Variants in TMEM43 observed in about 807,000 individuals in gnomAD.
TMEM43 encodes transmembrane protein 43, also known as arrhythmogenic right ventricular dysplasia 5.
A neutral mutation model predicts 49.6 loss-of-function variants in TMEM43; 45 were observed. The observed-to-expected ratio is 0.91, with a 90% CI of 0.71 to 1.16. The LOEUF (loss-of-function observed/expected upper bound fraction) is 1.16. TMEM43 is among the 50% of genes most tolerant of loss of function. The probability of loss-of-function intolerance (pLI) is 0.00; values close to 1 mark genes in which losing one functional copy is unlikely to be tolerated. For missense variants in TMEM43, 532 were observed against 516.6 expected, an observed-to-expected ratio of 1.03 and a Z score of -0.29; for synonymous variants, 199 against 207.8, an observed-to-expected ratio of 0.96 and a Z score of 0.36.
At chr3:14,138,506 T>C (rs1695205286) in intron 10 of TMEM43, among the ~76,000 whole-genome samples, 1 of 152,092 alleles carries the variant, frequency 6.6e-6, no homozygotes, top group South Asian at 2.1e-4. Context: ...GGGTGTGCCA[T>C]GTGCTGAGAT....
chr3:14,125,672 A>G (rs567758650), intron 1 of TMEM43, among the ~76,000 whole-genome samples: 71 of 152,306 alleles, frequency 4.7e-4, no homozygotes, highest in African/African-American at 1.6e-3. Flanking sequence ...AGGCGGGCAG[A>G]GAGCTCTCCG....
intron 1 of TMEM43, among the ~76,000 whole-genome samples, chr3:14,126,278 G>T (rs879624459): frequency 7.2e-5 from 11 of 152,188 alleles, no homozygotes; most frequent in Admixed American, 5.2e-4. Context: ...GAGGTATTCG[G>T]AGAGACTCAG....
intron 11 of TMEM43, among the ~76,000 whole-genome samples, chr3:14,140,861 G>T (rs1574941800): frequency 6.6e-6 from 1 of 152,200 alleles, no homozygotes; most frequent in East Asian, 1.9e-4. Flanking sequence ...TGTGCTGCAG[G>T]CATGGTGGGG....
In TMEM43 at chr3:14,129,506, T is replaced by A. The variant is rs1695064880; in HGVS notation, c.107T>A (p.Met36Lys). 1.9e-6 allele frequency: 3 copies of A among 1,613,788 alleles called. No homozygotes were observed. The highest frequency in any genetic ancestry group is 1.1e-5 in the South Asian group (1 of 91,062). ...LERLSETSGGMFVGLMAFLLS... is the reference protein window; with the variant it reads ...LERLSETSGGKFVGLMAFLLS... ...CGGCTGAGCGAGACCTCGGGTGGGA[T>A]GTTTGTGGGGCTCATGGCCTTCCTG... Residue 36 changes from methionine to lysine, a missense_variant, in exon 2 of 12, where the codon ATG (methionine) becomes AAG (lysine). Coordinates refer to ENST00000306077, the MANE Select transcript of TMEM43 (RefSeq NM_024334.3).
chr3:14,136,510 A>G (rs1695171965), intron 10 of TMEM43, among the ~76,000 whole-genome samples: 1 of 152,226 alleles, frequency 6.6e-6, no homozygotes, highest in Non-Finnish European at 1.5e-5. Flanking sequence ...ACGTCAGAGT[A>G]GAACATCCGT....
At chr3:14,140,943 CCT>C (rs747612326) in intron 11 of TMEM43, among the ~76,000 whole-genome samples, 2 of 152,128 alleles carry the variant, frequency 1.3e-5, no homozygotes, top group Non-Finnish European at 2.9e-5. Context: ...GCGAAGATTC[CCT>C]GAGTGGACAT....
At chr3:14,125,525 T>G (rs1695007223) in intron 1 of TMEM43, among the ~76,000 whole-genome samples, 1 of 152,076 alleles carries the variant, frequency 6.6e-6, no homozygotes. Flanking sequence ...CCCAGTTCCC[T>G]CCTGTACCTT....
intron 10 of TMEM43, among the ~76,000 whole-genome samples, chr3:14,138,732 C>G (rs1695207705): frequency 6.6e-6 from 1 of 152,194 alleles, no homozygotes. Flanking sequence ...ATTGCAGCAT[C>G]TAATGGACAG....
chr3:14,137,464 T>C (rs1180499338), intron 10 of TMEM43, among the ~76,000 whole-genome samples: 1 of 152,152 alleles, frequency 6.6e-6, no homozygotes, highest in East Asian at 1.9e-4. Context: ...GCGGCCTCCT[T>C]ACCCCCTGGG....
intron 1 of TMEM43, among the ~76,000 whole-genome samples, chr3:14,128,417 G>A (rs552252303): frequency 6.6e-6 from 1 of 152,242 alleles, no homozygotes; most frequent in East Asian, 1.9e-4. Context: ...CCTCATCACT[G>A]CTGATACGGT....
At position 14,125,150 on chromosome 3, in the gene TMEM43, C is replaced by T. The variant is rs773961732; in HGVS notation, c.-44C>T. 4 of 1,608,522 alleles carry T rather than the reference C, an allele frequency of 2.5e-6. No homozygotes were observed. Among genetic ancestry groups the T allele is most frequent in the South Asian group, 2.2e-5 (2 of 90,438 alleles). On this transcript the variant is annotated 5_prime_UTR_variant, in exon 1 of 12. Coordinates refer to ENST00000306077, the MANE Select transcript of TMEM43 (RefSeq NM_024334.3). ...CACGCTCCAGTCGTCAGCCCACTTCCTAGCTGAACAGCGCGAGGCGGCGGC... is the reference window on the plus strand; with the variant it reads ...CACGCTCCAGTCGTCAGCCCACTTCTTAGCTGAACAGCGCGAGGCGGCGGC...
chr3:14,128,805 C>T (rs1412449859), intron 1 of TMEM43: 1 of 327,600 alleles, frequency 3.1e-6, no homozygotes, highest in Non-Finnish European at 6.1e-6. Context: ...AAGCACATGT[C>T]TGCATAAAGG....
intron 1 of TMEM43, among the ~76,000 whole-genome samples, chr3:14,125,899 A>G (rs73142616): frequency 0.02 from 3,071 of 152,256 alleles, 114 homozygotes; most frequent in African/African-American, 0.07. Context: ...TAAGCCCAAC[A>G]TTCATTCAAC....
chr3:14,125,999 T>A (rs944086709), intron 1 of TMEM43, among the ~76,000 whole-genome samples: 1 of 152,142 alleles, frequency 6.6e-6, no homozygotes, highest in African/African-American at 2.4e-5. Flanking sequence ...AGGGCCCGCT[T>A]AGGAGCCCAG....
At chr3:14,133,674 A>T in intron 6 of TMEM43, 65 bp from the exon 7 acceptor site, 2 of 1,514,662 alleles carry the variant, frequency 1.3e-6, no homozygotes, top group Non-Finnish European at 1.8e-6. Flanking sequence ...AGCACAAACA[A>T]CCCAAAGGGA....
chr3:14,129,663 A>G, intron 2 of TMEM43, 102 bp downstream of exon 2: 1 of 1,314,114 alleles, frequency 7.6e-7, no homozygotes, highest in Non-Finnish European at 1.1e-6. Flanking sequence ...AAGGGCCTAG[A>G]TTTTAAAAAG....
rs10648308 is a variant in TMEM43 at position 14,129,307 on chromosome 3, TAA to T, written c.13-79_13-78del. On this transcript the variant is annotated intron_variant, in intron 1 of 11. Transcript: ENST00000306077. ...TGTTTTTACCACATACAGTTAAAAC[TAA>T]AAAAAAAAAAAAAAAAAAAAAAAAA... 69,322 of 371,430 alleles carry T rather than the reference TAA, an allele frequency of 0.19. 1,823 individuals carry two copies. Among genetic ancestry groups the T allele is most frequent in the African/African-American group, 0.25 (7,292 of 28,706 alleles). 23.0% of individuals were successfully genotyped at this position (371,430 alleles called of 1,614,324 possible).
At chr3:14,127,192 AAT>A (rs1695032742) in intron 1 of TMEM43, among the ~76,000 whole-genome samples, 1 of 152,160 alleles carries the variant, frequency 6.6e-6, no homozygotes, top group East Asian at 1.9e-4. Context: ...TGTATATATA[AAT>A]ATGTGTGGAT....
rs1574938194 is a variant in TMEM43, at chr3:14,132,770, A to C, written c.443-96A>C. ...CCCATCCATTGAGGCTCCCTGACCC[A>C]CCCCTTTGGCTGTGAGATAGGAGGA... is the stretch of plus-strand genomic sequence containing the variant. On this transcript the variant is annotated intron_variant, in intron 5 of 11. Transcript: ENST00000306077. 35 of 1,423,142 alleles carry C rather than the reference A, an allele frequency of 2.5e-5. No individual in the cohort carries two copies. The South Asian group carries it at 3.7e-4, about 15-fold the overall frequency. 88.2% of individuals were successfully genotyped at this position (1,423,142 alleles called of 1,614,324 possible).
Sources: gnomAD v4.1 joint callset for allele counts (sites outside exome capture counted in the v4.1 genomes callset) on GRCh38, gnomAD v4.1.1 for gene constraint, MANE v1.5 for transcripts, NCBI Gene and HGNC (gene_info 2026-07-23, HGNC 2026-07-21) for gene names.